VKORC1L1: variants seen among roughly 807,000 people sequenced by gnomAD.
VKORC1L1 encodes vitamin K epoxide reductase complex subunit 1-like protein 1.
Under a neutral mutation model 18.9 loss-of-function variants are expected in VKORC1L1, and 2 were observed. The observed-to-expected ratio is 0.11, with a 90% confidence interval of 0.04 to 0.33. VKORC1L1 has a LOEUF of 0.33. Ranked by LOEUF, VKORC1L1 falls within the 10% of genes least tolerant of loss-of-function variation. VKORC1L1 has a pLI of 1.00. For synonymous variants in VKORC1L1, 96 were observed against 100.0 expected (o/e 0.96, Z 0.24); for missense variants, 123 against 224.1 (o/e 0.55, Z 2.88).
intron 1 of VKORC1L1, among the ~76,000 whole-genome samples, chr7:65,936,587 A>T (rs1789945221): frequency 6.6e-6 from 1 of 152,082 alleles, no homozygotes; most frequent in African/African-American, 2.4e-5. Context: ...AATTTGAATG[A>T]TGGTTTATAT....
At chr7:65,923,823 C>T (rs890035523) in intron 1 of VKORC1L1, among the ~76,000 whole-genome samples, 2 of 152,102 alleles carry the variant, frequency 1.3e-5, no homozygotes, top group African/African-American at 2.4e-5. Flanking sequence ...GAGGACAGAG[C>T]TGAGAGGTTT....
intron 1 of VKORC1L1, among the ~76,000 whole-genome samples, chr7:65,935,475 A>G (rs1789927971): frequency 6.6e-6 from 1 of 151,558 alleles, no homozygotes; most frequent in Non-Finnish European, 1.5e-5. Flanking sequence ...ACGCTCATCT[A>G]ATTTTTGTAT....
intron 1 of VKORC1L1, among the ~76,000 whole-genome samples, chr7:65,907,249 T>A (rs1200764258): frequency 1.3e-5 from 2 of 152,120 alleles, no homozygotes; most frequent in East Asian, 3.8e-4. Context: ...GAGACCAGCC[T>A]GGCCAACATG....
intron 1 of VKORC1L1, among the ~76,000 whole-genome samples, chr7:65,874,895 T>C (rs1055940186): frequency 6.6e-6 from 1 of 152,216 alleles, no homozygotes; most frequent in Non-Finnish European, 1.5e-5. Context: ...AATATTCTCA[T>C]AGTTATATCC....
intron 2 of VKORC1L1, among the ~76,000 whole-genome samples, chr7:65,950,598 A>G (rs1019853701): frequency 6.6e-6 from 1 of 152,222 alleles, no homozygotes; most frequent in Non-Finnish European, 1.5e-5. Context: ...TGTGTGCACA[A>G]GGATATTCAT....
At position 65,910,149 on chromosome 7, in the gene VKORC1L1, G is replaced by C. The variant is rs547319890; in HGVS notation, c.194+36584G>C. 3.9e-5 allele frequency among the ~76,000 whole-genome samples: 6 copies of C among 152,284 alleles called. No homozygotes were observed. The South Asian group carries it at 1.2e-3, about 32-fold the overall frequency. ...TCTTTTAAAAGTTGGAAACAAACTT[G>C]TTTCTTACCTTGCAGAAGCACTGAG... is the stretch of plus-strand genomic sequence containing the variant. On this transcript the variant is annotated intron_variant, in intron 1 of 2. Transcript: ENST00000360768.
chr7:65,935,595 C>T (rs928277246), intron 1 of VKORC1L1, among the ~76,000 whole-genome samples: 5 of 152,138 alleles, frequency 3.3e-5, no homozygotes, highest in Admixed American at 3.3e-4. Flanking sequence ...AGGCATGAGC[C>T]ACTGCACCTG....
At chr7:65,950,189 T>C (rs1004592569) in intron 2 of VKORC1L1, among the ~76,000 whole-genome samples, 1 of 152,222 alleles carries the variant, frequency 6.6e-6, no homozygotes, top group Non-Finnish European at 1.5e-5. Context: ...AATTTCCTTT[T>C]ATTGCCCATT....
intron 2 of VKORC1L1, among the ~76,000 whole-genome samples, chr7:65,952,594 C>T (rs577325919): frequency 5.9e-5 from 9 of 151,992 alleles, no homozygotes; most frequent in African/African-American, 2.2e-4. Context: ...CTGCTCCCAC[C>T]TGTTATTTTG....
chr7:65,937,672 C>G (rs1789965802), intron 1 of VKORC1L1, among the ~76,000 whole-genome samples: 1 of 152,140 alleles, frequency 6.6e-6, no homozygotes, highest in African/African-American at 2.4e-5. Context: ...CCTCAGCCTC[C>G]CAAAGTGCTG....
chr7:65,944,791 C>T (rs1188422241), intron 1 of VKORC1L1, among the ~76,000 whole-genome samples: 3 of 151,656 alleles, frequency 2.0e-5, no homozygotes, highest in African/African-American at 7.3e-5. Flanking sequence ...GTGGTGGATG[C>T]CTGTGGTGCC....
Position 65,873,273 on chromosome 7 carries a change from G to GAGGCGGCGGTGGCGGCGGCGGCA in VKORC1L1, c.-99_-98insAGGCGGCGGTGGCGGCGGCGGCA. ...CGGCGGCGGTGGTGGCGGCGGCGGC[G>GAGGCGGCGGTGGCGGCGGCGGCA]GAGGCGGCGGTGGCGGCGGTGGCGG... On this transcript the variant is annotated 5_prime_UTR_variant, in exon 1 of 3. Transcript: ENST00000360768. The GAGGCGGCGGTGGCGGCGGCGGCA allele has an allele frequency of 2.0e-6, 2 of 980,254 alleles. No individual in the cohort carries two copies. Among genetic ancestry groups the GAGGCGGCGGTGGCGGCGGCGGCA allele is most frequent in the Non-Finnish European group, 2.4e-6 (2 of 829,320 alleles). 60.7% of individuals were successfully genotyped at this position (980,254 alleles called of 1,614,324 possible).
intron 1 of VKORC1L1, among the ~76,000 whole-genome samples, chr7:65,943,952 T>A (rs867383140): frequency 1.3e-5 from 2 of 152,172 alleles, no homozygotes; most frequent in Non-Finnish European, 2.9e-5. Flanking sequence ...AAAATATCAA[T>A]AACAAATCAG....
intron 1 of VKORC1L1, among the ~76,000 whole-genome samples, chr7:65,895,512 TATATACACAC>T (rs1426161551): frequency 2.8e-4 from 21 of 73,890 alleles, no homozygotes; most frequent in African/African-American, 8.9e-4. Context: ...TATATATATA[TATATACACAC>T]ACACACACAC....
chr7:65,924,187 T>G (rs1182405594), intron 1 of VKORC1L1, among the ~76,000 whole-genome samples: 1 of 152,214 alleles, frequency 6.6e-6, no homozygotes, highest in Non-Finnish European at 1.5e-5. Flanking sequence ...CATGGCTTAC[T>G]GAGGCTGGGC....
chr7:65,887,124 C>T (rs1331314220), intron 1 of VKORC1L1, among the ~76,000 whole-genome samples: 1 of 152,038 alleles, frequency 6.6e-6, no homozygotes, highest in Non-Finnish European at 1.5e-5. Flanking sequence ...GCTGGGATTA[C>T]AGGCATGAGC....
intron 1 of VKORC1L1, among the ~76,000 whole-genome samples, chr7:65,936,054 C>A (rs974302282): frequency 6.6e-6 from 1 of 151,370 alleles, no homozygotes; most frequent in African/African-American, 2.4e-5. Flanking sequence ...TGAATCTTCC[C>A]TTTGGTATCT....
intron 1 of VKORC1L1, among the ~76,000 whole-genome samples, chr7:65,945,535 C>T (rs1790106073): frequency 6.6e-6 from 1 of 151,768 alleles, no homozygotes; most frequent in Non-Finnish European, 1.5e-5. Context: ...TGGCCTGAAC[C>T]TGGGAGGCGG....
intron 1 of VKORC1L1, among the ~76,000 whole-genome samples, chr7:65,908,767 G>T (rs1275029774): frequency 1.4e-5 from 2 of 145,616 alleles, no homozygotes; most frequent in African/African-American, 2.6e-5. Context: ...AACCTCAGAA[G>T]CAGAGGTTGC....
Sources: allele counts gnomAD v4.1 joint callset (sites outside exome capture counted in the v4.1 genomes callset), GRCh38; gene constraint gnomAD v4.1.1; transcripts MANE v1.5; gene names NCBI Gene and HGNC (gene_info 2026-07-23, HGNC 2026-07-21).